ADCY2: variants seen among roughly 807,000 people sequenced by gnomAD.
ADCY2 encodes adenylate cyclase 2, also known as adenylate cyclase type 2.
A neutral mutation model predicts 125.2 loss-of-function variants in ADCY2; 31 were observed. The ratio of observed to expected loss-of-function variants is 0.25; its 90% CI spans 0.19 to 0.33. The LOEUF (loss-of-function observed/expected upper bound fraction) is 0.33, where lower values mean the gene tolerates loss of function less well. Among genes scored for constraint, ADCY2 ranks in the 10% least tolerant of loss-of-function variants. ADCY2 has a pLI of 1.00. For missense variants in ADCY2, 904 were observed against 1,418.2 expected (o/e 0.64, Z 5.82); for synonymous variants, 512 against 548.4 (o/e 0.93, Z 0.93).
chr5:7,717,409 T>C lies in ADCY2; in HGVS notation c.1703+172T>C, dbSNP rs552192252. 7.9e-5 allele frequency among the ~76,000 whole-genome samples: 12 copies of C among 152,334 alleles called. No individual in the cohort carries two copies. In the South Asian group the frequency reaches 2.5e-3, roughly 32 times the overall value. On this transcript the variant is annotated intron_variant, in intron 12 of 24. Transcript: ENST00000338316. ...TTTGTTAAAAGTATTTATTTCATCT[T>C]TTTAAAAAATATTTAATCCCTGCCT...
At chr5:7,644,589 T>G (rs945370480) in intron 4 of ADCY2, among the ~76,000 whole-genome samples, 5 of 152,134 alleles carry the variant, frequency 3.3e-5, no homozygotes, top group African/African-American at 1.2e-4. Flanking sequence ...GATCTATATT[T>G]CATTAACACC....
intron 1 of ADCY2, among the ~76,000 whole-genome samples, chr5:7,399,401 A>G (rs951340707): frequency 3.3e-5 from 5 of 152,218 alleles, no homozygotes; most frequent in South Asian, 2.1e-4. Flanking sequence ...AGCAAGCTTC[A>G]TTTTGATTTA....
chr5:7,450,785 A>G (rs571441643), intron 2 of ADCY2, among the ~76,000 whole-genome samples: 56 of 152,294 alleles, frequency 3.7e-4, no homozygotes, highest in African/African-American at 9.1e-4. Context: ...CTCATTTACT[A>G]TTCTGAAAAA....
At chr5:7,668,074 A>G (rs568741105) in intron 4 of ADCY2, among the ~76,000 whole-genome samples, 1 of 152,348 alleles carries the variant, frequency 6.6e-6, no homozygotes, top group South Asian at 2.1e-4. Flanking sequence ...TTTTTTCTAC[A>G]AAGTATGTGC....
chr5:7,769,902 T>A (rs1743505675), intron 17 of ADCY2, among the ~76,000 whole-genome samples: 2 of 152,166 alleles, frequency 1.3e-5, no homozygotes, highest in South Asian at 4.2e-4. Context: ...AGGTTACCAG[T>A]AAGTACACTC....
chr5:7,731,898 T>C (rs1742115060), intron 14 of ADCY2, among the ~76,000 whole-genome samples: 1 of 152,308 alleles, frequency 6.6e-6, no homozygotes, highest in African/African-American at 2.4e-5. Flanking sequence ...CCACTATGCC[T>C]GGTGGAAATA....
At chr5:7,475,677 C>T (rs920999377) in intron 2 of ADCY2, among the ~76,000 whole-genome samples, 3 of 152,190 alleles carry the variant, frequency 2.0e-5, no homozygotes, top group Non-Finnish European at 2.9e-5. Context: ...CCACTGCACC[C>T]GGCAAGATGT....
intron 4 of ADCY2, among the ~76,000 whole-genome samples, chr5:7,670,402 T>A (rs1478512875): frequency 1.3e-5 from 2 of 152,248 alleles, no homozygotes; most frequent in African/African-American, 4.8e-5. Context: ...TGTAAAATAT[T>A]TGATCATTTA....
chr5:7,749,140 T>C (rs573927856), intron 15 of ADCY2, among the ~76,000 whole-genome samples: 2 of 152,304 alleles, frequency 1.3e-5, no homozygotes, highest in East Asian at 3.9e-4. Flanking sequence ...TGGTAAGTCA[T>C]GGTAACTTCA....
At chr5:7,399,924 TTTTTTC>T (rs960349797) in intron 1 of ADCY2, among the ~76,000 whole-genome samples, 4 of 152,190 alleles carry the variant, frequency 2.6e-5, no homozygotes, top group African/African-American at 4.8e-5. Context: ...GGTTTTTAAT[TTTTTTC>T]TTTTTCTTTT....
At chr5:7,812,931 A>T (rs2126533399) in intron 22 of ADCY2, among the ~76,000 whole-genome samples, 1 of 152,322 alleles carries the variant, frequency 6.6e-6, no homozygotes, top group Non-Finnish European at 1.5e-5. Context: ...AAAGAAAGGT[A>T]GGGCGTTATT....
intron 15 of ADCY2, among the ~76,000 whole-genome samples, chr5:7,747,757 G>A (rs542768942): frequency 1.3e-5 from 2 of 152,274 alleles, no homozygotes; most frequent in East Asian, 1.9e-4. Context: ...CCCATTTTGC[G>A]TTATTACTTT....
chr5:7,637,090 T>G (rs773652560), intron 4 of ADCY2, among the ~76,000 whole-genome samples: 3 of 152,200 alleles, frequency 2.0e-5, no homozygotes, highest in Non-Finnish European at 4.4e-5. Context: ...ATTTATTATA[T>G]TACATAGTTT....
At chr5:7,611,582 A>G (rs777548584) in intron 3 of ADCY2, among the ~76,000 whole-genome samples, 1 of 152,148 alleles carries the variant, frequency 6.6e-6, no homozygotes, top group Non-Finnish European at 1.5e-5. Context: ...ATGGATTTCT[A>G]TTTTATTTCT....
At chr5:7,665,374 C>A (rs770751114) in intron 4 of ADCY2, among the ~76,000 whole-genome samples, 18 of 152,138 alleles carry the variant, frequency 1.2e-4, no homozygotes, top group Non-Finnish European at 2.9e-5. Flanking sequence ...GCTGGCCTTT[C>A]CCATTGGGAA....
chr5:7,468,724 G>A (rs1465952638), intron 2 of ADCY2, among the ~76,000 whole-genome samples: 3 of 152,094 alleles, frequency 2.0e-5, no homozygotes, highest in South Asian at 2.1e-4. Flanking sequence ...TAAAAGGCAA[G>A]GGCATAGAGG....
At chr5:7,623,579 C>T (rs932217738) in intron 3 of ADCY2, among the ~76,000 whole-genome samples, 1 of 152,208 alleles carries the variant, frequency 6.6e-6, no homozygotes, top group Admixed American at 6.5e-5. Context: ...GTCATCAGGG[C>T]TTTCCACATG....
At chr5:7,698,483 T>G (rs929714250) in intron 7 of ADCY2, 109 bp downstream of exon 7, 3 of 1,162,432 alleles carry the variant, frequency 2.6e-6, no homozygotes, top group Non-Finnish European at 3.8e-6. Context: ...GTTGGTTTCC[T>G]GCACCCATCA....
At chr5:7,522,797 G>C (rs1744501078) in intron 3 of ADCY2, among the ~76,000 whole-genome samples, 1 of 149,242 alleles carries the variant, frequency 6.7e-6, no homozygotes, top group East Asian at 2.0e-4. Flanking sequence ...GTGGTGGTGG[G>C]CGCCTGTAGT....
Sources: gnomAD v4.1 joint callset for allele counts (sites outside exome capture counted in the v4.1 genomes callset) on GRCh38, gnomAD v4.1.1 for gene constraint, MANE v1.5 for transcripts, NCBI Gene and HGNC (gene_info 2026-07-23, HGNC 2026-07-21) for gene names.